Variants in POLE observed in about 807,000 individuals in gnomAD.
The protein encoded by POLE is DNA polymerase epsilon, catalytic subunit, also known as DNA polymerase epsilon catalytic subunit A.
In POLE, 188 loss-of-function variants were observed where a neutral mutation model predicts 279.2. That is an observed-to-expected ratio of 0.67 (90% CI 0.60 to 0.76). The LOEUF (loss-of-function observed/expected upper bound fraction) is 0.76. POLE is among the 30% of genes least tolerant of loss of function. The pLI, the probability that POLE is intolerant of heterozygous loss-of-function variation, is 0.00. For missense variants in POLE, 2,703 were observed against 3,016.7 expected, an observed-to-expected ratio of 0.90 and a Z score of 2.44; for synonymous variants, 1,214 against 1,172.5, an observed-to-expected ratio of 1.04 and a Z score of -0.72.
chr12:132,633,011 C>T lies in POLE; in HGVS notation c.6005-216G>A, dbSNP rs1048454077. On this transcript the variant is annotated intron_variant, in intron 43 of 48. Transcript: ENST00000320574. The stretch of plus-strand genomic sequence containing the variant: ...ACTCGCTGACACCTGAGTTCATTGT[C>T]AGAGAGAAAACTGTATAAATGGGGC... 29 of 544,632 alleles carry T rather than the reference C, an allele frequency of 5.3e-5. No individual in the cohort carries two copies. The African/African-American group carries it at 5.4e-4, about 10-fold the overall frequency. 33.7% of individuals were successfully genotyped at this position (544,632 alleles called of 1,614,324 possible). A position where few individuals can be genotyped will look rare whatever the true frequency, so the allele number is the denominator to read the frequency against.
At chr12:132,632,276 G>T in intron 45 of POLE, 39 bp downstream of exon 45, 1 of 1,510,968 alleles carries the variant, frequency 6.6e-7, no homozygotes, top group Non-Finnish European at 9.2e-7. Context: ...ACACATGTAC[G>T]TTAGTGTCCT....
intron 1 of POLE, among the ~76,000 whole-genome samples, chr12:132,685,769 G>A (rs79588727): frequency 0.011 from 1,739 of 152,300 alleles, 34 homozygotes; most frequent in African/African-American, 0.04. Flanking sequence ...GACAGACAGC[G>A]ATGAGCACAA....
chr12:132,643,993 C>A lies in POLE; in HGVS notation c.4150-16G>T, dbSNP rs375774291. ...CCCGATTTACCTGGCGAGAATACGA[C>A]GATGATCTCGTCACTGGGCGTAAGT... On this transcript the variant is annotated splice_polypyrimidine_tract_variant and intron_variant, in intron 32 of 48. Transcript: ENST00000320574. 9.3e-6 allele frequency: 15 copies of A among 1,608,596 alleles called. No homozygotes were observed. In the East Asian group the frequency reaches 3.1e-4, roughly 34 times the overall value.
intron 45 of POLE, among the ~76,000 whole-genome samples, chr12:132,627,973 G>A (rs2041867958): frequency 6.6e-6 from 1 of 152,220 alleles, no homozygotes; most frequent in Admixed American, 6.5e-5. Flanking sequence ...CTCAAATTCT[G>A]CTGCTGCTTT....
Position 132,663,886 on chromosome 12 carries a change from T to TGTGAG in POLE, c.2706+113_2706+117dup, listed in dbSNP as rs2135956056. On this transcript the variant is annotated intron_variant, in intron 23 of 48. Transcript: ENST00000320574. ...TGGTCTTCAGGCTATAGAAAAGCAATGTGAGCAGTGCTGGGTGCCAGGAAG... is the reference window on the plus strand; with the variant it reads ...TGGTCTTCAGGCTATAGAAAAGCAATGTGAGGTGAGCAGTGCTGGGTGCCAGGAAG... 8 of 1,004,780 alleles carry TGTGAG rather than the reference T, an allele frequency of 8.0e-6. No individual in the cohort carries two copies. In the East Asian group the frequency reaches 1.9e-4, roughly 24 times the overall value. The allele number at this position is 1,004,780 out of a possible 1,614,324, so 62.2% of individuals were successfully genotyped here.
chr12:132,682,255 CCA>C (rs890766530), intron 1 of POLE, among the ~76,000 whole-genome samples: 5 of 150,818 alleles, frequency 3.3e-5, no homozygotes, highest in African/African-American at 1.2e-4. Flanking sequence ...GAACGCGCCA[CCA>C]CACTCCAGCC....
At chr12:132,627,735 G>A (rs1463159850) in intron 45 of POLE, among the ~76,000 whole-genome samples, 3 of 152,164 alleles carry the variant, frequency 2.0e-5, no homozygotes, top group Non-Finnish European at 2.9e-5. Flanking sequence ...TCAGTGAGTC[G>A]CAATCGTTTT....
intron 7 of POLE, 43 bp from the exon 8 acceptor site, chr12:132,677,486 A>G (rs2043080435): frequency 4.3e-6 from 7 of 1,609,226 alleles, no homozygotes; most frequent in African/African-American, 1.3e-5. Context: ...TACATCCAGG[A>G]AAGTCTATTC....
In POLE at chr12:132,667,488, C is replaced by A. The variant is rs2042822589; in HGVS notation, c.2319+15G>T. Reference sequence around the variant, plus strand: ...CCCTCACAGAGGCCAAAGCTTGCAGCCCCTCAGAGCTCACCTTGTGGAGCC... The same window carrying A: ...CCCTCACAGAGGCCAAAGCTTGCAGACCCTCAGAGCTCACCTTGTGGAGCC... On this transcript the variant is annotated intron_variant, in intron 20 of 48. Transcript: ENST00000320574. 1 of 1,612,816 alleles carries A rather than the reference C, an allele frequency of 6.2e-7. No individual in the cohort carries two copies.
intron 1 of POLE, among the ~76,000 whole-genome samples, chr12:132,685,858 CG>C (rs1164235546): frequency 2.0e-5 from 3 of 151,922 alleles, no homozygotes; most frequent in Non-Finnish European, 4.4e-5. Context: ...AAAAGCTTCA[CG>C]TTCTCACACG....
chr12:132,623,993 A>G lies in POLE; in HGVS notation c.*704T>C. ...ATTGGCCTTTCTTCTTTCTGCTTCC[A>G]GCTGGTCCTGTGTGGAGGTGAAGGA... On this transcript the variant is annotated 3_prime_UTR_variant, in exon 49 of 49. Coordinates refer to ENST00000320574, the MANE Select transcript of POLE (RefSeq NM_006231.4). 1 of 193,550 alleles carries G rather than the reference A, an allele frequency of 5.2e-6. No individual in the cohort carries two copies. The highest frequency in any genetic ancestry group is 1.1e-5 in the Non-Finnish European group (1 of 92,960). 12.0% of individuals were successfully genotyped at this position (193,550 alleles called of 1,614,324 possible). A position where few individuals can be genotyped will look rare whatever the true frequency, so the allele number is the denominator to read the frequency against.
At chr12:132,673,730 A>G (rs774752044) in intron 12 of POLE, 23 bp from the exon 13 acceptor site, 1 of 1,612,168 alleles carries the variant, frequency 6.2e-7, no homozygotes, top group Non-Finnish European at 8.5e-7. Flanking sequence ...TGAGAACAGA[A>G]GCCAGGATGA....
rs749012938 is a variant in POLE, at chr12:132,664,042, T to C, written c.2668A>G (p.Ile890Val). ...TTNVKKPKVT[I>V]SYPGAMLNIM... ...TTCAACATGGCGCCTGGGTAGGAGA[T>C]GGTCACTTTGGGCTTCTTCACATTG... Residue 890 changes from isoleucine to valine, a missense_variant, in exon 23 of 49, where the codon ATC becomes GTC. Around this residue, in one of 5 missense-constraint regions of POLE, gnomAD observed 101 missense variants for 115.4 expected, o/e 0.87. Transcript: ENST00000320574. This position sits in a 1 kb window ranked among gnomAD's most constrained non-coding sequence, Gnocchi z 5.3. The C allele has an allele frequency of 1.2e-5, 19 of 1,614,064 alleles. No individual in the cohort carries two copies. The highest frequency in any genetic ancestry group is 1.6e-5 in the Non-Finnish European group (19 of 1,180,026).
At position 132,626,228 on chromosome 12, in the gene POLE, C is replaced by T. The variant is rs767409019; in HGVS notation, c.6420G>A (p.Glu2140=). The part of the protein sequence containing the change: ...LRLVDVGEFS[E]EAQFRDPCRS... Reference sequence around the variant, plus strand: ...GGCAGGGGTCTCGGAACTGGGCCTCCTCGGAGAACTCGCCGACATCCACCA... The same window carrying T: ...GGCAGGGGTCTCGGAACTGGGCCTCTTCGGAGAACTCGCCGACATCCACCA... Residue 2140 remains glutamate, a synonymous_variant, in exon 46 of 49, where the codon GAG becomes GAA. Transcript: ENST00000320574. The T allele has an allele frequency of 6.2e-7, 1 of 1,613,838 alleles. No homozygotes were observed. Among genetic ancestry groups the T allele is most frequent in the Non-Finnish European group, 8.5e-7 (1 of 1,180,000 alleles).
intron 2 of POLE, 86 bp downstream of exon 2, chr12:132,681,052 T>A: frequency 1.4e-6 from 2 of 1,479,660 alleles, no homozygotes; most frequent in Non-Finnish European, 9.2e-7. Context: ...TTCCCTCATG[T>A]GTCCCCCACT....
chr12:132,627,176 G>A (rs2138436305), intron 45 of POLE, among the ~76,000 whole-genome samples: 1 of 152,238 alleles, frequency 6.6e-6, no homozygotes, highest in South Asian at 2.1e-4. Context: ...CCAGCTACCT[G>A]GGAGGCTGAA....
intron 5 of POLE, 128 bp from the exon 6 acceptor site, chr12:132,679,779 G>C (rs2043129473): frequency 8.9e-7 from 1 of 1,124,126 alleles, no homozygotes; most frequent in African/African-American, 1.5e-5. Flanking sequence ...GTCCAACTCT[G>C]CACGTGGCAC....
At chr12:132,641,601 A>G in intron 39 of POLE, 46 bp downstream of exon 39, 1 of 1,530,982 alleles carries the variant, frequency 6.5e-7, no homozygotes, top group Non-Finnish European at 9.0e-7. Context: ...AGGGCAAAGG[A>G]TAAGACCCTT....
At chr12:132,683,224 C>T (rs2043204041) in intron 1 of POLE, among the ~76,000 whole-genome samples, 1 of 152,064 alleles carries the variant, frequency 6.6e-6, no homozygotes, top group South Asian at 2.1e-4. Flanking sequence ...AATTAAGGGC[C>T]TTGAGATTCT....
Sources: gnomAD v4.1 joint callset for allele counts (sites outside exome capture counted in the v4.1 genomes callset) on GRCh38, gnomAD v4.1.1 for gene constraint, gnomAD v4.1.1 regional missense constraint, Gnocchi (gnomAD v3.1) non-coding constraint, MANE v1.5 for transcripts, NCBI Gene and HGNC (gene_info 2026-07-23, HGNC 2026-07-21) for gene names.